Variants in DAAM2 observed in about 807,000 individuals in gnomAD.
DAAM2 encodes disheveled-associated activator of morphogenesis 2.
Under a neutral mutation model 120.7 loss-of-function variants are expected in DAAM2, and 39 were observed. That is an observed-to-expected ratio of 0.32 (90% CI 0.25 to 0.42). The LOEUF (loss-of-function observed/expected upper bound fraction) is 0.42. DAAM2 is among the 10% of genes least tolerant of loss of function. The probability of loss-of-function intolerance (pLI) is 1.00; values close to 1 mark genes in which losing one functional copy is unlikely to be tolerated. For synonymous variants in DAAM2, 488 were observed against 524.9 expected, an observed-to-expected ratio of 0.93 and a Z score of 0.96; for missense variants, 1,283 against 1,401.7, an observed-to-expected ratio of 0.92 and a Z score of 1.35.
chr6:39,900,600 G>T lies in DAAM2; in HGVS notation c.2811+392G>T, dbSNP rs148979188. Among the ~76,000 whole-genome samples, 513 of 152,288 alleles carry T rather than the reference G, an allele frequency of 3.4e-3. 2 individuals are homozygous for T. The highest frequency in any genetic ancestry group is 0.012 in the African/African-American group (492 of 41,560). The stretch of plus-strand genomic sequence containing the variant: ...GCTCAGCAGTGGACATGATTACCAT[G>T]CCTCTATCTGCTTCTCACACTAACG... On this transcript the variant is annotated intron_variant, in intron 23 of 24. Coordinates refer to ENST00000274867, the MANE Select transcript of DAAM2 (RefSeq NM_001201427.2).
At chr6:39,795,330 A>C (rs1270285506) in intron 1 of DAAM2, among the ~76,000 whole-genome samples, 2 of 152,216 alleles carry the variant, frequency 1.3e-5, no homozygotes, top group Admixed American at 6.5e-5. Flanking sequence ...AGACTCTGTC[A>C]AGGATCCTGT....
At chr6:39,900,649 G>A (rs1766422233) in intron 23 of DAAM2, among the ~76,000 whole-genome samples, 1 of 152,110 alleles carries the variant, frequency 6.6e-6, no homozygotes, top group African/African-American at 2.4e-5. Flanking sequence ...CATGTATGGG[G>A]GTCTTATTAA....
At position 39,896,859 on chromosome 6, in the gene DAAM2, C is replaced by A; in HGVS notation, c.2389C>A (p.Gln797Lys). The part of the protein sequence containing the change: ...RELVRSKRLR[Q>K]MLEVILAIGN... Reference sequence around the variant, plus strand: ...GCTGGTCCGCAGCAAGCGTCTTAGACAGATGCTAGAGGTCATCCTAGCCAT... The same window carrying A: ...GCTGGTCCGCAGCAAGCGTCTTAGAAAGATGCTAGAGGTCATCCTAGCCAT... Residue 797 changes from glutamine (Q) to lysine (K), a missense_variant, in exon 20 of 25, where the codon CAG becomes AAG. Gln to Lys is a moderately conservative substitution (Grantham distance 53, BLOSUM62 1). Around this residue, in one of 3 missense-constraint regions of DAAM2, gnomAD observed 748 missense variants for 768.6 expected, o/e 0.97. Transcript: ENST00000274867. The A allele has an allele frequency of 6.2e-7, 1 of 1,613,212 alleles. No individual in the cohort carries two copies. Among genetic ancestry groups the A allele is most frequent in the Non-Finnish European group, 8.5e-7 (1 of 1,179,484 alleles).
intron 1 of DAAM2, among the ~76,000 whole-genome samples, chr6:39,839,159 A>G (rs763863454): frequency 6.6e-6 from 1 of 152,080 alleles, no homozygotes; most frequent in Non-Finnish European, 1.5e-5. Context: ...GCCAGGCAGG[A>G]AAACCTGAGG....
At chr6:39,821,334 C>T (rs2114132353) in intron 1 of DAAM2, 1 of 152,422 alleles carries the variant, frequency 6.6e-6, no homozygotes, top group Admixed American at 6.5e-5. Context: ...AATCCATGCC[C>T]ACAGAAGGAC....
intron 1 of DAAM2, among the ~76,000 whole-genome samples, chr6:39,845,007 TACAC>T (rs769613847): frequency 7.3e-6 from 1 of 136,816 alleles, no homozygotes; most frequent in Non-Finnish European, 1.6e-5. Flanking sequence ...ACACCACACA[TACAC>T]ACCCCCCCAC....
At chr6:39,840,229 AAAAC>A (rs113463795) in intron 1 of DAAM2, among the ~76,000 whole-genome samples, 132 of 152,128 alleles carry the variant, frequency 8.7e-4, no homozygotes, top group African/African-American at 2.4e-3. Context: ...AATGTCTCAA[AAAAC>A]AAACAAACAA....
At chr6:39,883,771 G>C (rs1765243340) in intron 14 of DAAM2, 191 bp from the exon 15 acceptor site, 2 of 563,546 alleles carry the variant, frequency 3.5e-6, no homozygotes, top group Non-Finnish European at 6.4e-6. Flanking sequence ...GTTGTCTCTG[G>C]CCTCTACCCT....
At position 39,901,203 on chromosome 6, in the gene DAAM2, G is replaced by C. The variant is rs569816852; in HGVS notation, c.2812-99G>C. ...CCCTGTGCCAACAGTCCCCAGCCTTGCGCTGGGCTCTGCTCTGGCTAGAAC... is the reference window on the plus strand; with the variant it reads ...CCCTGTGCCAACAGTCCCCAGCCTTCCGCTGGGCTCTGCTCTGGCTAGAAC... On this transcript the variant is annotated intron_variant, in intron 23 of 24. Transcript: ENST00000274867. This position sits in a 1 kb window ranked among gnomAD's most constrained non-coding sequence, Gnocchi z 4.5. 41 of 1,098,774 alleles carry C rather than the reference G, an allele frequency of 3.7e-5. No individual in the cohort carries two copies. In the East Asian group the frequency reaches 9.1e-4, roughly 24 times the overall value. The allele number at this position is 1,098,774 out of a possible 1,614,324, so 68.1% of individuals were successfully genotyped here. A position where few individuals can be genotyped will look rare whatever the true frequency, so the allele number is the denominator to read the frequency against.
chr6:39,882,292 CCTT>C (rs1765156142), intron 14 of DAAM2: 1 of 152,156 alleles, frequency 6.6e-6, no homozygotes, highest in South Asian at 2.1e-4. Flanking sequence ...AGCCTCAAGT[CCTT>C]CTGGCAGATG....
At chr6:39,795,598 G>A (rs1466743768) in intron 1 of DAAM2, among the ~76,000 whole-genome samples, 1 of 152,180 alleles carries the variant, frequency 6.6e-6, no homozygotes, top group Non-Finnish European at 1.5e-5. Flanking sequence ...CATAAAGGGA[G>A]TGCTGTATTT....
At chr6:39,890,636 A>C (rs1479987447) in intron 17 of DAAM2, among the ~76,000 whole-genome samples, 1 of 152,190 alleles carries the variant, frequency 6.6e-6, no homozygotes, top group Non-Finnish European at 1.5e-5. Flanking sequence ...TGGGGGATGG[A>C]AATGTTCTCT....
rs752994496 is a variant in DAAM2, at chr6:39,896,918, C to T, written c.2448C>T (p.Gly816=). 10 of 1,613,546 alleles carry T rather than the reference C, an allele frequency of 6.2e-6. No homozygotes were observed. The highest frequency in any genetic ancestry group is 3.3e-5 in the South Asian group (3 of 91,040). Residue 816 remains glycine (G), a synonymous_variant, in exon 20 of 25, where the codon GGC becomes GGT. Coordinates refer to ENST00000274867, the MANE Select transcript of DAAM2 (RefSeq NM_001201427.2). ...TCATGAACAAAGGGCAGCGTGGGGG[C>T]GCCTACGGGTTCCGGGTGGCCAGCC... ...GNFMNKGQRG[G]AYGFRVASLN...
chr6:39,838,057 G>A (rs1763177089), intron 1 of DAAM2, among the ~76,000 whole-genome samples: 1 of 152,214 alleles, frequency 6.6e-6, no homozygotes, highest in Admixed American at 6.5e-5. Context: ...GATGCTTCTG[G>A]TAGGGATTTG....
At chr6:39,879,772 G>A (rs1005854088) in intron 14 of DAAM2, 67 of 520,966 alleles carry the variant, frequency 1.3e-4, no homozygotes, top group Non-Finnish European at 2.8e-5. Context: ...CAAACACTGA[G>A]TAGAATTCAA....
chr6:39,889,337 A>C (rs1437677827), intron 17 of DAAM2, among the ~76,000 whole-genome samples: 1 of 152,238 alleles, frequency 6.6e-6, no homozygotes, highest in East Asian at 1.9e-4. Flanking sequence ...CAATATGATT[A>C]GTTATCAGAG....
chr6:39,837,442 G>T (rs1013263616), intron 1 of DAAM2, among the ~76,000 whole-genome samples: 1 of 151,962 alleles, frequency 6.6e-6, no homozygotes, highest in Non-Finnish European at 1.5e-5. Flanking sequence ...GACCTCAGGT[G>T]ATCTGCCCAC....
chr6:39,894,072 ATTC>A (rs1459519366), intron 19 of DAAM2, among the ~76,000 whole-genome samples: 11 of 152,158 alleles, frequency 7.2e-5, no homozygotes, highest in African/African-American at 1.9e-4. Flanking sequence ...ACATTTACCG[ATTC>A]TTATTATAAA....
rs1052606666 is a variant in DAAM2, at chr6:39,868,850, C to T, written c.790C>T (p.Leu264=). 6.3e-7 allele frequency: 1 copy of T among 1,585,706 alleles called. No homozygotes were observed. Among genetic ancestry groups the T allele is most frequent in the Non-Finnish European group, 8.6e-7 (1 of 1,165,960 alleles). ...CCTGCTGAACGAGCTAGACCGAAGT[C>T]TGGGCCGGTACCGGGATGAAGTGAA... ...QTLLNELDRS[L]GRYRDEVNLK... Residue 264 remains leucine (L), a synonymous_variant, in exon 7 of 25, where the codon CTG becomes TTG. Transcript: ENST00000274867.
Sources: allele counts gnomAD v4.1 joint callset (sites outside exome capture counted in the v4.1 genomes callset), GRCh38; gene constraint gnomAD v4.1.1; regional missense constraint gnomAD v4.1.1; non-coding constraint Gnocchi (gnomAD v3.1); transcripts MANE v1.5; gene names NCBI Gene and HGNC (gene_info 2026-07-23, HGNC 2026-07-21).